Variants in CCDC9 observed in about 807,000 individuals in gnomAD.
The protein encoded by CCDC9 is coiled-coil domain-containing protein 9.
Under a neutral mutation model 65.6 loss-of-function variants are expected in CCDC9, and 52 were observed. The observed-to-expected ratio is 0.79, with a 90% confidence interval of 0.63 to 1.00. CCDC9 has a LOEUF of 1.00. Among genes scored for constraint, CCDC9 ranks in the 50% least tolerant of loss-of-function variants. The probability of loss-of-function intolerance (pLI) is 0.00; values close to 1 mark genes in which losing one functional copy is unlikely to be tolerated. For missense variants in CCDC9, 834 were observed against 757.2 expected (o/e 1.10, Z -1.19); for synonymous variants, 332 against 280.3 (o/e 1.18, Z -1.84).
chr19:47,272,751 G>A (rs1019612892), downstream of CCDC9, among the ~76,000 whole-genome samples: 1 of 152,202 alleles, frequency 6.6e-6, no homozygotes, highest in Admixed American at 6.5e-5. Flanking sequence ...TGGGATTAGA[G>A]TTCCGAGGTG....
chr19:47,275,416 C>G (rs551447469), downstream of CCDC9: 2 of 1,495,128 alleles, frequency 1.3e-6, no homozygotes, highest in East Asian at 2.8e-5. Context: ...GAGGATGCAC[C>G]GTCTCTGGAT....
Position 47,271,760 on chromosome 19 carries a change from C to T in CCDC9, c.*82C>T, listed in dbSNP as rs2059125282. 13 of 1,296,818 alleles carry T rather than the reference C, an allele frequency of 1.0e-5. No individual in the cohort carries two copies. The highest frequency in any genetic ancestry group is 1.2e-5 in the Non-Finnish European group (12 of 998,184). The allele number at this position is 1,296,818 out of a possible 1,614,324, so 80.3% of individuals were successfully genotyped here. On this transcript the variant is annotated 3_prime_UTR_variant, in exon 12 of 12. Coordinates refer to ENST00000221922, the MANE Select transcript of CCDC9 (RefSeq NM_015603.3). The stretch of plus-strand genomic sequence containing the variant: ...GCGCGCGCGCGCGCGCGCGCGCGCG[C>T]TAGAGGGGTGTGGCTGGTGGGGGAC...
rs1476240814 is a variant in CCDC9 at position 47,270,593 on chromosome 19, T to C, written c.990T>C (p.Phe330=). Residue 330 remains phenylalanine (F), a synonymous_variant, in exon 10 of 12, where the codon TTT becomes TTC. Transcript: ENST00000221922. ...AWARPPKPPT[F]GEFLSQHKAE... is the part of the protein sequence containing the mutation. ...CCCGGCCCCCGAAGCCCCCTACTTT[T>C]GGGGAGTTCCTGTCCCAGCACAAAG... 2 of 1,613,610 alleles carry C rather than the reference T, an allele frequency of 1.2e-6. No individual in the cohort carries two copies. The highest frequency in any genetic ancestry group is 1.7e-5 in the Admixed American group (1 of 59,998).
intron 3 of CCDC9, 63 bp downstream of exon 3, chr19:47,258,726 C>T: frequency 8.1e-7 from 1 of 1,236,618 alleles, no homozygotes; most frequent in Non-Finnish European, 1.2e-6. Flanking sequence ...TTTTTCTCAC[C>T]TCTCCCTTCC....
chr19:47,275,240 C>T (rs1175711716), downstream of CCDC9: 4 of 1,536,604 alleles, frequency 2.6e-6, no homozygotes, highest in Non-Finnish European at 3.5e-6. Context: ...GACCCCAGCT[C>T]CAGCTGCCGC....
chr19:47,264,458 C>A (rs1394085469), intron 5 of CCDC9, 145 bp from the exon 6 acceptor site: 1 of 734,812 alleles, frequency 1.4e-6, no homozygotes, highest in Non-Finnish European at 2.3e-6. Context: ...TCACTGCTGA[C>A]CTGGAGCACG....
chr19:47,269,094 A>C (rs993225133), intron 8 of CCDC9, among the ~76,000 whole-genome samples: 3 of 152,018 alleles, frequency 2.0e-5, no homozygotes, highest in Admixed American at 6.6e-5. Context: ...CCACAGAGCA[A>C]GACCCTATCT....
At chr19:47,275,486 A>G (rs766478618), downstream of CCDC9, 4 of 1,260,364 alleles carry the variant, frequency 3.2e-6, no homozygotes, top group African/African-American at 4.8e-5. Flanking sequence ...ATCCCGCGGA[A>G]TGGGGGCCCA....
At chr19:47,272,024 A>G (rs1382891727), downstream of CCDC9, 1 of 1,236,080 alleles carries the variant, frequency 8.1e-7, no homozygotes. Context: ...GGGTGGGGAG[A>G]TGTCAGGCGG....
chr19:47,266,969 TC>T (rs1391794398), intron 8 of CCDC9, among the ~76,000 whole-genome samples, 177 bp downstream of exon 8: 1 of 151,968 alleles, frequency 6.6e-6, no homozygotes, highest in Non-Finnish European at 1.5e-5. Context: ...TTTCTGGTTT[TC>T]TTTTTTTTTT....
Position 47,271,455 on chromosome 19 carries a change from C to A in CCDC9, c.1373C>A (p.Thr458Asn), listed in dbSNP as rs201293674. 6.2e-7 allele frequency: 1 copy of A among 1,613,824 alleles called. No individual in the cohort carries two copies. The highest frequency in any genetic ancestry group is 1.7e-5 in the Admixed American group (1 of 60,022). ...QDHQAPEAAPTGIPCSEQAHG... is the reference protein window; with the variant it reads ...QDHQAPEAAPNGIPCSEQAHG... ...CACCAAGCCCCAGAGGCTGCCCCCA[C>A]CGGGATCCCCTGCAGTGAGCAGGCC... The change falls in exon 12 of 12, where the codon ACC becomes AAC. Residue 458 changes from threonine to asparagine, a missense_variant. Thr to Asn is a moderately conservative substitution (Grantham distance 65, BLOSUM62 0). Transcript: ENST00000221922.
In CCDC9 at chr19:47,260,840, G is replaced by T. The variant is rs757287691; in HGVS notation, c.462+1G>T. The T allele has an allele frequency of 6.2e-7, 1 of 1,611,210 alleles. No individual in the cohort carries two copies. Among genetic ancestry groups the T allele is most frequent in the South Asian group, 1.1e-5 (1 of 90,864 alleles). On this transcript the variant is annotated splice_donor_variant, in intron 5 of 11. Transcript: ENST00000221922. LOFTEE classifies it high-confidence loss of function. ...CTCAATCTCTGACCGTAAATCCAAG[G>T]TAGGAGCTAGGCAGCGCCTGGAGCC...
At chr19:47,272,904 CCA>C (rs1485460016), downstream of CCDC9, among the ~76,000 whole-genome samples, 1 of 152,148 alleles carries the variant, frequency 6.6e-6, no homozygotes, top group African/African-American at 2.4e-5. Flanking sequence ...TCCCCTTCCC[CCA>C]GAGTGGGATT....
chr19:47,275,069 C>T, downstream of CCDC9: 1 of 1,497,028 alleles, frequency 6.7e-7, no homozygotes, highest in Non-Finnish European at 8.9e-7. Flanking sequence ...TCGCCGTGTA[C>T]TACGGTCTCA....
downstream of CCDC9, chr19:47,274,796 T>TA: frequency 2.5e-6 from 1 of 406,234 alleles, no homozygotes; most frequent in Non-Finnish European, 3.0e-6. Context: ...GGCGTGACCA[T>TA]GCTGGCGGGG....
Position 47,258,346 on chromosome 19 carries a change from G to A in CCDC9, c.-55G>A, listed in dbSNP as rs546726792. 28 of 1,605,906 alleles carry A rather than the reference G, an allele frequency of 1.7e-5. No homozygotes were observed. Among genetic ancestry groups the A allele is most frequent in the South Asian group, 1.1e-4 (10 of 90,910 alleles). Reference sequence around the variant, plus strand: ...TGTCCCCAGGAACCCTCAGTGCTGCGTCTAGATTCTGCAGGGGAGGTTTGC... The same window carrying A: ...TGTCCCCAGGAACCCTCAGTGCTGCATCTAGATTCTGCAGGGGAGGTTTGC... On this transcript the variant is annotated 5_prime_UTR_variant, in exon 2 of 12. Transcript: ENST00000221922.
At chr19:47,257,575 CGGGCCT>C (rs2059019119) in intron 1 of CCDC9, 1 of 152,300 alleles carries the variant, frequency 6.6e-6, no homozygotes, top group Admixed American at 6.5e-5. Flanking sequence ...AAATCTGGGG[CGGGCCT>C]GGGTAGTTTT....
chr19:47,272,753 T>A (rs1265934215), downstream of CCDC9, among the ~76,000 whole-genome samples: 1 of 152,124 alleles, frequency 6.6e-6, no homozygotes, highest in African/African-American at 2.4e-5. Context: ...GGATTAGAGT[T>A]CCGAGGTGCA....
downstream of CCDC9, chr19:47,273,958 T>A: frequency 1.0e-6 from 1 of 984,090 alleles, no homozygotes; most frequent in Non-Finnish European, 1.2e-6. Flanking sequence ...CCCTCCCCCC[T>A]CCCGCAGGCC....
Sources: gnomAD v4.1 joint callset for allele counts (sites outside exome capture counted in the v4.1 genomes callset) on GRCh38, gnomAD v4.1.1 for gene constraint, MANE v1.5 for transcripts, NCBI Gene and HGNC (gene_info 2026-07-23, HGNC 2026-07-21) for gene names.